The following SYNGR3 variants were observed in gnomAD, a reference collection of about 807,000 sequenced individuals.
SYNGR3 encodes the protein synaptogyrin-3.
In SYNGR3, 10 loss-of-function variants were observed where a neutral mutation model predicts 18.5. The ratio of observed to expected loss-of-function variants is 0.54; its 90% CI spans 0.33 to 0.92. SYNGR3 has a LOEUF of 0.92. SYNGR3 is among the 40% of genes least tolerant of loss of function. The probability of loss-of-function intolerance (pLI) is 0.02; values close to 1 mark genes in which losing one functional copy is unlikely to be tolerated. For missense variants in SYNGR3, 335 were observed against 332.8 expected (o/e 1.01, Z -0.05); for synonymous variants, 188 against 157.2 (o/e 1.20, Z -1.47).
At position 1,993,379 on chromosome 16, in the gene SYNGR3, T is replaced by C; in HGVS notation, c.*307T>C. ...CTTTCCCCTCTTGGGCCACACCTGC[T>C]CACTCTGGGGTTGGGGGTCCAGCTG... On this transcript the variant is annotated 3_prime_UTR_variant, in exon 4 of 4. Transcript: ENST00000248121. The C allele has an allele frequency of 1.7e-6, 1 of 601,288 alleles. No homozygotes were observed. The highest frequency in any genetic ancestry group is 3.1e-6 in the Non-Finnish European group (1 of 319,994). 37.2% of individuals were successfully genotyped at this position (601,288 alleles called of 1,614,324 possible).
rs2083593756 is a variant in SYNGR3, at chr16:1,990,046, G to C, written c.-57G>C. 1.3e-6 allele frequency: 1 copy of C among 758,320 alleles called. No individual in the cohort carries two copies. Among genetic ancestry groups the C allele is most frequent in the Non-Finnish European group, 1.7e-6 (1 of 574,974 alleles). The allele number at this position is 758,320 out of a possible 1,614,324, so 47.0% of individuals were successfully genotyped here. ...GCGGCAGCGGCCTCGGGCGGGGCCGGCCGGACGGACAGGCGGACAGAAGGC... is the reference window on the plus strand; with the variant it reads ...GCGGCAGCGGCCTCGGGCGGGGCCGCCCGGACGGACAGGCGGACAGAAGGC... On this transcript the variant is annotated 5_prime_UTR_variant, in exon 1 of 4. Coordinates refer to ENST00000248121, the MANE Select transcript of SYNGR3 (RefSeq NM_004209.6).
rs1286786035 is a variant in SYNGR3 at position 1,993,540 on chromosome 16, G to A, written c.*468G>A. 6 of 462,968 alleles carry A rather than the reference G, an allele frequency of 1.3e-5. No homozygotes were observed. The allele number at this position is 462,968 out of a possible 1,614,324, so 28.7% of individuals were successfully genotyped here. Reference sequence around the variant, plus strand: ...TGTGGGTAGTGACTGTCTCGTTTCTGTCATGGTGGTGCGTCCCGTCCGGAG... The same window carrying A: ...TGTGGGTAGTGACTGTCTCGTTTCTATCATGGTGGTGCGTCCCGTCCGGAG... On this transcript the variant is annotated 3_prime_UTR_variant, in exon 4 of 4. Coordinates refer to ENST00000248121, the MANE Select transcript of SYNGR3 (RefSeq NM_004209.6).
chr16:1,993,353 G>A lies in SYNGR3; in HGVS notation c.*281G>A. ...CCTGGAATGGACTGGCCTGGGGAAGGCTTTCCCCTCTTGGGCCACACCTGC... is the reference window on the plus strand; with the variant it reads ...CCTGGAATGGACTGGCCTGGGGAAGACTTTCCCCTCTTGGGCCACACCTGC... On this transcript the variant is annotated 3_prime_UTR_variant, in exon 4 of 4. Transcript: ENST00000248121. The A allele has an allele frequency of 1.6e-6, 1 of 625,734 alleles. No homozygotes were observed. The allele number at this position is 625,734 out of a possible 1,614,324, so 38.8% of individuals were successfully genotyped here. A position where few individuals can be genotyped will look rare whatever the true frequency, so the allele number is the denominator to read the frequency against.
rs376271995 is a variant in SYNGR3, at chr16:1,992,947, G to A, written c.565G>A (p.Ala189Thr). The A allele has an allele frequency of 8.1e-6, 13 of 1,611,418 alleles. No individual in the cohort carries two copies. The African/African-American group carries it at 1.5e-4, about 18-fold the overall frequency. The change falls in exon 4 of 4, where the codon GCG (alanine) becomes ACG (threonine). Residue 189 changes from alanine (A) to threonine (T), a missense_variant. Physicochemically the swap from Ala to Thr is moderately conservative, Grantham distance 58 (BLOSUM62 0). Coordinates refer to ENST00000248121, the MANE Select transcript of SYNGR3 (RefSeq NM_004209.6). ...CGCCACCGAACAGCTGAGCACCGGG[G>A]CGAGCCAGGCCTACCCCGGCTATCC... ...LFATEQLSTG[A>T]SQAYPGYPVG... is the part of the protein sequence containing the mutation.
chr16:1,990,508 C>T (rs764794047), intron 1 of SYNGR3: 12 of 515,588 alleles, frequency 2.3e-5, no homozygotes, highest in Non-Finnish European at 3.4e-5. Context: ...GCCCTTACTC[C>T]GTTTTTCCTG....
chr16:1,993,134 C>T lies in SYNGR3; in HGVS notation c.*62C>T. 1 of 1,541,872 alleles carries T rather than the reference C, an allele frequency of 6.5e-7. No individual in the cohort carries two copies. Among genetic ancestry groups the T allele is most frequent in the Non-Finnish European group, 8.8e-7 (1 of 1,140,732 alleles). ...CCACCAACGCAGGCCCCAGGGTCTC[C>T]GGGACCTCCCTTGGGTCCTTCCAGC... On this transcript the variant is annotated 3_prime_UTR_variant, in exon 4 of 4. Coordinates refer to ENST00000248121, the MANE Select transcript of SYNGR3 (RefSeq NM_004209.6).
In SYNGR3 at chr16:1,992,715, G is replaced by A. The variant is rs201344943; in HGVS notation, c.417G>A (p.Thr139=). 1.1e-5 allele frequency: 17 copies of A among 1,597,592 alleles called. No homozygotes were observed. Among genetic ancestry groups the A allele is most frequent in the Non-Finnish European group, 1.4e-5 (17 of 1,175,086 alleles). Reference sequence around the variant, plus strand: ...AGCGCACGGCGCCAGGGCCGGCCACGACGCAGGCGGGGGACGCGGCGCGGG... The same window carrying A: ...AGCGCACGGCGCCAGGGCCGGCCACAACGCAGGCGGGGGACGCGGCGCGGG... ...QWQRTAPGPA[T]TQAGDAARAA... Residue 139 remains threonine, a synonymous_variant, in exon 3 of 4, where the codon ACG becomes ACA. Transcript: ENST00000248121.
intron 2 of SYNGR3, 48 bp downstream of exon 2, chr16:1,992,259 G>A: frequency 1.0e-6 from 1 of 955,298 alleles, no homozygotes; most frequent in Non-Finnish European, 1.4e-6. Flanking sequence ...CGGGTGGGCG[G>A]GGAGGGGGCG....
At chr16:1,992,253 TG>T in intron 2 of SYNGR3, 42 bp downstream of exon 2, 1 of 26,574 alleles carries the variant, frequency 3.8e-5, no homozygotes, top group Non-Finnish European at 6.3e-5. Flanking sequence ...GCCTTCCGGG[TG>T]GGCGGGGAGG....
rs1394564754 is a variant in SYNGR3 at position 1,993,419 on chromosome 16, G to C, written c.*347G>C. On this transcript the variant is annotated 3_prime_UTR_variant, in exon 4 of 4. Coordinates refer to ENST00000248121, the MANE Select transcript of SYNGR3 (RefSeq NM_004209.6). ...GGGTCCAGCTGCCCTCTACGATCAG[G>C]TGCAGGGGCTGCCCAGGACAAAGCG... 10 of 549,800 alleles carry C rather than the reference G, an allele frequency of 1.8e-5. No homozygotes were observed. The highest frequency in any genetic ancestry group is 1.4e-4 in the South Asian group (9 of 65,446). The allele number at this position is 549,800 out of a possible 1,614,324, so 34.1% of individuals were successfully genotyped here.
In SYNGR3 at chr16:1,993,201, G is replaced by C; in HGVS notation, c.*129G>C. On this transcript the variant is annotated 3_prime_UTR_variant, in exon 4 of 4. Coordinates refer to ENST00000248121, the MANE Select transcript of SYNGR3 (RefSeq NM_004209.6). ...AGTAGGTGGCCGCTTTGCGCCATCC[G>C]GGGCCAAGAGGGGGTGGACCCGCGT... The C allele has an allele frequency of 8.6e-7, 1 of 1,169,538 alleles. No homozygotes were observed. The highest frequency in any genetic ancestry group is 1.2e-6 in the Non-Finnish European group (1 of 840,530). The allele number at this position is 1,169,538 out of a possible 1,614,324, so 72.4% of individuals were successfully genotyped here.
rs375366006 is a variant in SYNGR3, at chr16:1,991,985, C to A, written c.111C>A (p.Ile37=). Residue 37 remains isoleucine (I), a synonymous_variant, in exon 2 of 4, where the codon ATC becomes ATA. Transcript: ENST00000248121. ...CGCGCCGCACGCAGGTGTTCTCCAT[C>A]GCCGTCTTCGGGCCCATCGTCAACG... ...LLRVASWVFS[I]AVFGPIVNEG... 4.1e-5 allele frequency: 65 copies of A among 1,595,596 alleles called. No individual in the cohort carries two copies. The Admixed American group carries it at 1.1e-3, about 26-fold the overall frequency.
chr16:1,991,920 C>A, intron 1 of SYNGR3, 54 bp from the exon 2 acceptor site: 5 of 1,494,222 alleles, frequency 3.3e-6, no homozygotes, highest in Non-Finnish European at 4.5e-6. Context: ...GCGCTCGAGG[C>A]GGGCTCGCAG....
rs1163214313 is a variant in SYNGR3 at position 1,992,166 on chromosome 16, G to T, written c.292G>T (p.Val98Phe). 2.1e-6 allele frequency: 3 copies of T among 1,462,506 alleles called. No individual in the cohort carries two copies. The highest frequency in any genetic ancestry group is 1.8e-6 in the Non-Finnish European group (2 of 1,107,480). 90.6% of individuals were successfully genotyped at this position (1,462,506 alleles called of 1,614,324 possible). The change falls in exon 2 of 4, where the codon GTC becomes TTC. Residue 98 changes from valine (V) to phenylalanine (F), a missense_variant. Coordinates refer to ENST00000248121, the MANE Select transcript of SYNGR3 (RefSeq NM_004209.6). ...LDVRFQQISS[V>F]RDRRRAVLLD... ...TGTGCGCTTCCAGCAAATCAGCAGC[G>T]TCCGCGACCGCCGGCGCGCGGTGTT...
chr16:1,992,144 G>A lies in SYNGR3; in HGVS notation c.270G>A (p.Val90=). Residue 90 remains valine, a synonymous_variant, in exon 2 of 4, where the codon GTG becomes GTA. Coordinates refer to ENST00000248121, the MANE Select transcript of SYNGR3 (RefSeq NM_004209.6). ...LACAAFLLLD[V]RFQQISSVRD... ...GCGCCGCCTTCCTGCTGCTCGATGT[G>A]CGCTTCCAGCAAATCAGCAGCGTCC... The A allele has an allele frequency of 6.5e-7, 1 of 1,527,236 alleles. No individual in the cohort carries two copies. Among genetic ancestry groups the A allele is most frequent in the Non-Finnish European group, 8.8e-7 (1 of 1,138,536 alleles). The allele number at this position is 1,527,236 out of a possible 1,614,324, so 94.6% of individuals were successfully genotyped here. A position where few individuals can be genotyped will look rare whatever the true frequency, so the allele number is the denominator to read the frequency against.
rs910681945 is a variant in SYNGR3 at position 1,993,297 on chromosome 16, G to C, written c.*225G>C. ...CCCCAGGACTGAGGTCCTGAGAAGGGGATAGCACTGCCCAGGACGTGTGTC... is the reference window on the plus strand; with the variant it reads ...CCCCAGGACTGAGGTCCTGAGAAGGCGATAGCACTGCCCAGGACGTGTGTC... On this transcript the variant is annotated 3_prime_UTR_variant, in exon 4 of 4. Coordinates refer to ENST00000248121, the MANE Select transcript of SYNGR3 (RefSeq NM_004209.6). The C allele has an allele frequency of 3.1e-6, 2 of 638,410 alleles. No homozygotes were observed. Among genetic ancestry groups the C allele is most frequent in the African/African-American group, 3.6e-5 (2 of 55,422 alleles). The allele number at this position is 638,410 out of a possible 1,614,324, so 39.5% of individuals were successfully genotyped here. A position where few individuals can be genotyped will look rare whatever the true frequency, so the allele number is the denominator to read the frequency against.
Position 1,992,943 on chromosome 16 carries a change from C to A in SYNGR3, c.561C>A (p.Thr187=), listed in dbSNP as rs1389994176. 6.2e-7 allele frequency: 1 copy of A among 1,611,206 alleles called. No individual in the cohort carries two copies. The highest frequency in any genetic ancestry group is 8.5e-7 in the Non-Finnish European group (1 of 1,179,468). The part of the protein sequence containing the change: ...MSLFATEQLS[T]GASQAYPGYP... ...TCTTCGCCACCGAACAGCTGAGCAC[C>A]GGGGCGAGCCAGGCCTACCCCGGCT... is the stretch of plus-strand genomic sequence containing the variant. The change falls in exon 4 of 4, where the codon ACC becomes ACA. Residue 187 remains threonine, a synonymous_variant. Coordinates refer to ENST00000248121, the MANE Select transcript of SYNGR3 (RefSeq NM_004209.6).
Position 1,993,444 on chromosome 16 carries a change from G to T in SYNGR3, c.*372G>T. The T allele has an allele frequency of 3.9e-6, 2 of 513,894 alleles. No individual in the cohort carries two copies. Among genetic ancestry groups the T allele is most frequent in the Non-Finnish European group, 3.8e-6 (1 of 264,802 alleles). 31.8% of individuals were successfully genotyped at this position (513,894 alleles called of 1,614,324 possible). A position where few individuals can be genotyped will look rare whatever the true frequency, so the allele number is the denominator to read the frequency against. On this transcript the variant is annotated 3_prime_UTR_variant, in exon 4 of 4. Coordinates refer to ENST00000248121, the MANE Select transcript of SYNGR3 (RefSeq NM_004209.6). Reference sequence around the variant, plus strand: ...GTGCAGGGGCTGCCCAGGACAAAGCGGGGGCAGGGGAAAGACACCACCCTC... The same window carrying T: ...GTGCAGGGGCTGCCCAGGACAAAGCTGGGGCAGGGGAAAGACACCACCCTC...
At position 1,993,110 on chromosome 16, in the gene SYNGR3, C is replaced by T. The variant is rs775536930; in HGVS notation, c.*38C>T. The T allele has an allele frequency of 6.3e-7, 1 of 1,579,622 alleles. No homozygotes were observed. Among genetic ancestry groups the T allele is most frequent in the South Asian group, 1.1e-5 (1 of 87,112 alleles). Reference sequence around the variant, plus strand: ...ACAGACCAGGGCTCCAAGGCCACCCCACCAACGCAGGCCCCAGGGTCTCCG... The same window carrying T: ...ACAGACCAGGGCTCCAAGGCCACCCTACCAACGCAGGCCCCAGGGTCTCCG... On this transcript the variant is annotated 3_prime_UTR_variant, in exon 4 of 4. Coordinates refer to ENST00000248121, the MANE Select transcript of SYNGR3 (RefSeq NM_004209.6).
Sources: gnomAD v4.1 joint callset for allele counts on GRCh38, gnomAD v4.1.1 for gene constraint, MANE v1.5 for transcripts, NCBI Gene and HGNC (gene_info 2026-07-23, HGNC 2026-07-21) for gene names.